Variants in HPS4 observed in about 807,000 individuals in gnomAD.
HPS4 encodes HPS4 biogenesis of lysosomal organelles complex 3 subunit 2.
In HPS4, 44 loss-of-function variants were observed where a neutral mutation model predicts 70.3. The observed-to-expected ratio is 0.63, with a 90% CI of 0.49 to 0.80. HPS4 has a LOEUF of 0.80. Among genes scored for constraint, HPS4 ranks in the 30% least tolerant of loss-of-function variants. The pLI is 0.00. For synonymous variants in HPS4, 377 were observed against 355.9 expected, an observed-to-expected ratio of 1.06 and a Z score of -0.67; for missense variants, 873 against 884.4, an observed-to-expected ratio of 0.99 and a Z score of 0.16.
In HPS4 at chr22:26,465,441, G is replaced by C; in HGVS notation, c.803+14C>G. ...AGGTGTGGTGCAAGGTTAACTCTCTGTGCACTCCATTACCTTGTCATCTGT... is the reference window on the plus strand; with the variant it reads ...AGGTGTGGTGCAAGGTTAACTCTCTCTGCACTCCATTACCTTGTCATCTGT... On this transcript the variant is annotated intron_variant, in intron 10 of 13. Coordinates refer to ENST00000398145, the MANE Select transcript of HPS4 (RefSeq NM_022081.6). 5.1e-6 allele frequency: 8 copies of C among 1,577,098 alleles called. No individual in the cohort carries two copies. Among genetic ancestry groups the C allele is most frequent in the Non-Finnish European group, 6.1e-6 (7 of 1,146,186 alleles).
intron 11 of HPS4, among the ~76,000 whole-genome samples, chr22:26,463,680 A>G (rs1187395156): frequency 6.6e-6 from 1 of 152,012 alleles, no homozygotes; most frequent in Non-Finnish European, 1.5e-5. Context: ...GAGAACCAAC[A>G]CTTGTTGGAT....
downstream of HPS4, among the ~76,000 whole-genome samples, chr22:26,448,013 A>G (rs1221239868): frequency 2.0e-5 from 3 of 152,260 alleles, no homozygotes; most frequent in Admixed American, 6.5e-5. Flanking sequence ...AAACAGGCTC[A>G]GAGCGGGCAG....
At chr22:26,474,178 T>C (rs1390652001) in intron 4 of HPS4, among the ~76,000 whole-genome samples, 1 of 152,232 alleles carries the variant, frequency 6.6e-6, no homozygotes, top group African/African-American at 2.4e-5. Context: ...GTTTCAAGAC[T>C]TACTATAAAG....
downstream of HPS4, among the ~76,000 whole-genome samples, chr22:26,447,934 A>G (rs116394073): frequency 1.5e-3 from 222 of 152,194 alleles, no homozygotes; most frequent in Middle Eastern, 6.8e-3. Flanking sequence ...GAGCATGGAG[A>G]GCACTGTGCA....
At chr22:26,466,409 G>T in intron 8 of HPS4, 147 bp from the exon 9 acceptor site, 1 of 861,524 alleles carries the variant, frequency 1.2e-6, no homozygotes, top group African/African-American at 1.7e-5. Context: ...CCAAGCAGAT[G>T]GAACAGAAGC....
In HPS4 at chr22:26,451,724, T is replaced by C. The variant is rs573277089; in HGVS notation, c.*1509A>G. The C allele has an allele frequency of 5.9e-5, 9 of 152,388 alleles. No individual in the cohort carries two copies. Among genetic ancestry groups the C allele is most frequent in the African/African-American group, 1.7e-4 (7 of 41,554 alleles). The allele number at this position is 152,388 out of a possible 1,614,324, so 9.4% of individuals were successfully genotyped here. A position where few individuals can be genotyped will look rare whatever the true frequency, so the allele number is the denominator to read the frequency against. Reference sequence around the variant, plus strand: ...CAGAGAACTTGTAATCAATTTTTTCTGGGAGAACATAGCAGAGGAGTAAGA... The same window carrying C: ...CAGAGAACTTGTAATCAATTTTTTCCGGGAGAACATAGCAGAGGAGTAAGA... On this transcript the variant is annotated 3_prime_UTR_variant, in exon 14 of 14. Transcript: ENST00000398145.
intron 11 of HPS4, 55 bp downstream of exon 11, chr22:26,463,862 C>T: frequency 6.4e-7 from 1 of 1,571,458 alleles, no homozygotes; most frequent in South Asian, 1.1e-5. Context: ...GTGAGGGAAG[C>T]ACAGGAGATC....
intron 13 of HPS4, among the ~76,000 whole-genome samples, chr22:26,455,137 C>A: frequency 6.6e-6 from 1 of 150,638 alleles, no homozygotes; most frequent in Non-Finnish European, 1.5e-5. Flanking sequence ...GTTGGTGGGA[C>A]TGTAAACTAG....
intron 9 of HPS4, 88 bp from the exon 10 acceptor site, chr22:26,465,639 C>A (rs1601925961): frequency 1.8e-6 from 2 of 1,091,218 alleles, no homozygotes; most frequent in East Asian, 4.7e-5. Context: ...ATGCATCCAA[C>A]CCACACGTGG....
intron 7 of HPS4, among the ~76,000 whole-genome samples, chr22:26,470,047 C>T (rs2089524828): frequency 1.3e-5 from 2 of 152,272 alleles, no homozygotes; most frequent in Non-Finnish European, 2.9e-5. Flanking sequence ...AGCCTCAGTG[C>T]TTCTCCATTT....
chr22:26,465,936 C>CCTTA (rs764516710), intron 9 of HPS4: 44 of 903,836 alleles, frequency 4.9e-5, no homozygotes, highest in Non-Finnish European at 7.1e-5. Flanking sequence ...TCGCTGTTTG[C>CCTTA]CTTACCCTCT....
At chr22:26,467,913 ATTTTTT>A (rs1417116650) in intron 8 of HPS4, 1 of 151,802 alleles carries the variant, frequency 6.6e-6, no homozygotes, top group African/African-American at 2.4e-5. Context: ...TTTTATTTTT[ATTTTTT>A]GAGACAGAGT....
At chr22:26,467,212 A>G (rs1467754554) in intron 8 of HPS4, 1 of 152,248 alleles carries the variant, frequency 6.6e-6, no homozygotes, top group Non-Finnish European at 1.5e-5. Context: ...GAGTAAATTA[A>G]TCATTTACCT....
downstream of HPS4, chr22:26,443,235 A>G (rs1438267507): frequency 1.3e-6 from 2 of 1,593,132 alleles, no homozygotes; most frequent in Non-Finnish European, 1.7e-6. Flanking sequence ...AGTCGGCGAG[A>G]AGGGCCGAGG....
downstream of HPS4, among the ~76,000 whole-genome samples, chr22:26,449,629 C>T (rs1403940007): frequency 6.9e-6 from 1 of 145,700 alleles, no homozygotes; most frequent in Non-Finnish European, 1.5e-5. Flanking sequence ...CCGCGCCCAT[C>T]CCACTCCCCT....
chr22:26,468,090 G>C (rs1306822655), intron 8 of HPS4: 2 of 173,154 alleles, frequency 1.2e-5, no homozygotes, highest in Non-Finnish European at 2.5e-5. Flanking sequence ...TTTAAATAGA[G>C]ATGGGTTTCA....
chr22:26,462,515 A>T (rs192907490), intron 11 of HPS4, among the ~76,000 whole-genome samples: 1 of 152,346 alleles, frequency 6.6e-6, no homozygotes, highest in East Asian at 1.9e-4. Context: ...GAACTGTTCT[A>T]AGGCTTGGCT....
At position 26,458,639 on chromosome 22, in the gene HPS4, A is replaced by C. The variant is rs991407971; in HGVS notation, c.1714-62T>G. The C allele has an allele frequency of 5.7e-5, 91 of 1,592,966 alleles. 1 individual carries two copies. The Middle Eastern group carries it at 6.7e-4, about 12-fold the overall frequency. On this transcript the variant is annotated intron_variant, in intron 11 of 13. Coordinates refer to ENST00000398145, the MANE Select transcript of HPS4 (RefSeq NM_022081.6). ...GACCTCAGCAAGCCTTCTGAGGGCT[A>C]GTTAACCACAGACTTAGTTAAAAAA... is the stretch of plus-strand genomic sequence containing the variant.
chr22:26,477,441 A>G (rs1480558450), intron 3 of HPS4, among the ~76,000 whole-genome samples: 1 of 152,182 alleles, frequency 6.6e-6, no homozygotes, highest in African/African-American at 2.4e-5. Context: ...CGATGACTGC[A>G]CAGAACCGCA....
Sources: gnomAD v4.1 joint callset for allele counts (sites outside exome capture counted in the v4.1 genomes callset) on GRCh38, gnomAD v4.1.1 for gene constraint, MANE v1.5 for transcripts, NCBI Gene and HGNC (gene_info 2026-07-23, HGNC 2026-07-21) for gene names.